ARHGAP32: variants seen among roughly 807,000 people sequenced by gnomAD.
ARHGAP32 encodes the protein rho GTPase-activating protein 32.
In ARHGAP32, 51 loss-of-function variants were observed where a neutral mutation model predicts 186.5. That is an observed-to-expected ratio of 0.27 (90% CI 0.22 to 0.35). The LOEUF (loss-of-function observed/expected upper bound fraction) is 0.35, where lower values mean the gene tolerates loss of function less well. ARHGAP32 is among the 10% of genes least tolerant of loss of function. The probability of loss-of-function intolerance (pLI) is 1.00; values close to 1 mark genes in which losing one functional copy is unlikely to be tolerated. For synonymous variants in ARHGAP32, 950 were observed against 964.3 expected, an observed-to-expected ratio of 0.99 and a Z score of 0.27; for missense variants, 2,186 against 2,623.5, an observed-to-expected ratio of 0.83 and a Z score of 3.64.
intron 1 of ARHGAP32, among the ~76,000 whole-genome samples, chr11:129,184,641 A>G (rs2439792): frequency 0.13 from 19,110 of 152,034 alleles, 1,360 homozygotes; most frequent in Non-Finnish European, 0.16. Context: ...TAGGAAACAA[A>G]AAAATTTCTT....
intron 1 of ARHGAP32, among the ~76,000 whole-genome samples, chr11:129,239,081 C>T (rs1272672002): frequency 6.6e-6 from 1 of 152,124 alleles, no homozygotes; most frequent in Non-Finnish European, 1.5e-5. Context: ...AACCCCTGGG[C>T]TCAAGCAATC....
chr11:129,012,756 C>T (rs1180755878), intron 11 of ARHGAP32, among the ~76,000 whole-genome samples: 1 of 152,162 alleles, frequency 6.6e-6, no homozygotes, highest in African/African-American at 2.4e-5. Context: ...GAAGGGAGAA[C>T]ATTTTTTAAA....
At chr11:129,239,363 A>T (rs955225050) in intron 1 of ARHGAP32, among the ~76,000 whole-genome samples, 4 of 152,202 alleles carry the variant, frequency 2.6e-5, no homozygotes, top group Admixed American at 2.6e-4. Context: ...GCAGCGCTGT[A>T]AGGAGGGTAC....
chr11:129,256,240 A>T (rs1184997431), intron 1 of ARHGAP32, among the ~76,000 whole-genome samples: 1 of 152,170 alleles, frequency 6.6e-6, no homozygotes, highest in Non-Finnish European at 1.5e-5. Context: ...GAGAAGTCAT[A>T]GAGTTGAATA....
intron 1 of ARHGAP32, among the ~76,000 whole-genome samples, chr11:129,245,834 C>T (rs187035358): frequency 2.6e-5 from 4 of 152,028 alleles, no homozygotes; most frequent in East Asian, 3.9e-4. Context: ...TTTAAGGTTA[C>T]GACCAGTGTT....
intron 1 of ARHGAP32, among the ~76,000 whole-genome samples, chr11:129,225,920 A>T (rs193116947): frequency 6.6e-6 from 1 of 152,204 alleles, no homozygotes; most frequent in Admixed American, 6.6e-5. Context: ...TTAAAAAGCT[A>T]TAAGAACCAA....
At chr11:129,097,131 G>A (rs1941752568) in intron 5 of ARHGAP32, among the ~76,000 whole-genome samples, 1 of 151,724 alleles carries the variant, frequency 6.6e-6, no homozygotes, top group South Asian at 2.1e-4. Flanking sequence ...AAAATCACAA[G>A]GCATATAAAG....
rs546189484 is a variant in ARHGAP32, at chr11:128,965,875, C to T, written c.*3032G>A. On this transcript the variant is annotated 3_prime_UTR_variant, in exon 23 of 23. Coordinates refer to ENST00000682385, the MANE Select transcript of ARHGAP32 (RefSeq NM_001378024.1). ...TAACCTACTCCTCCGTCCCCACTCA[C>T]GTTAGTTAACAGTCCCTCCTCTCTA... The T allele has an allele frequency of 3.9e-5, 6 of 152,316 alleles. No individual in the cohort carries two copies. Among genetic ancestry groups the T allele is most frequent in the Admixed American group, 6.5e-5 (1 of 15,302 alleles). The allele number at this position is 152,316 out of a possible 1,614,324, so 9.4% of individuals were successfully genotyped here. A position where few individuals can be genotyped will look rare whatever the true frequency, so the allele number is the denominator to read the frequency against.
At chr11:129,048,624 A>G (rs1342138561) in intron 10 of ARHGAP32, among the ~76,000 whole-genome samples, 1 of 152,202 alleles carries the variant, frequency 6.6e-6, no homozygotes, top group Non-Finnish European at 1.5e-5. Context: ...AGTAAAGGCA[A>G]GAAGTAATTG....
upstream of ARHGAP32, among the ~76,000 whole-genome samples, chr11:129,194,621 G>A (rs979645544): frequency 2.0e-5 from 3 of 151,996 alleles, no homozygotes; most frequent in South Asian, 2.1e-4. Context: ...TTGTCTCCAC[G>A]GAGGAAAACA....
rs139981327 is a variant in ARHGAP32 at position 129,255,545 on chromosome 11, T to C, written c.-5+23601A>G. Among the ~76,000 whole-genome samples the C allele has an allele frequency of 6.4e-3, 970 of 152,130 alleles. 12 individuals carry two copies. The highest frequency in any genetic ancestry group is 0.022 in the African/African-American group (929 of 41,542). On this transcript the variant is annotated intron_variant, in intron 1 of 6. Coordinates refer to the ARHGAP32 transcript ENST00000525234. ...GAAAAACATGATACACTGGACTATATTAAGACCTAGGCCTCAAAAGACACT... is the reference window on the plus strand; with the variant it reads ...GAAAAACATGATACACTGGACTATACTAAGACCTAGGCCTCAAAAGACACT...
chr11:129,197,610 AT>A (rs1053188114), intron 1 of ARHGAP32, among the ~76,000 whole-genome samples: 1 of 152,150 alleles, frequency 6.6e-6, no homozygotes, highest in African/African-American at 2.4e-5. Context: ...TGTAATATAT[AT>A]GTATGTATCA....
chr11:129,240,250 T>C (rs1425509168), intron 1 of ARHGAP32, among the ~76,000 whole-genome samples: 1 of 152,144 alleles, frequency 6.6e-6, no homozygotes, highest in Non-Finnish European at 1.5e-5. Context: ...TAGCTATTAC[T>C]GCAGACTTTG....
In ARHGAP32 at chr11:128,972,848, G is replaced by A. The variant is rs200179924; in HGVS notation, c.3658C>T (p.Arg1220Cys). The change falls in exon 22 of 23, where the codon CGT (arginine) becomes TGT (cysteine). Residue 1220 changes from arginine (R) to cysteine (C), a missense_variant. Arg to Cys is a radical substitution (Grantham distance 180, BLOSUM62 -3). Around this residue, in one of 5 missense-constraint regions of ARHGAP32, gnomAD observed 1,502 missense variants for 1,570.0 expected, o/e 0.96. Coordinates refer to ENST00000682385, the MANE Select transcript of ARHGAP32 (RefSeq NM_001378024.1). Reference protein sequence around the residue: ...SFLDQDQSPPRFYSGDQPPSY... With the variant: ...SFLDQDQSPPCFYSGDQPPSY... Reference sequence around the variant, plus strand: ...GGAGGCTGATCTCCACTGTAGAAACGGGGTGGAGACTGGTCCTGATCCAAG... The same window carrying A: ...GGAGGCTGATCTCCACTGTAGAAACAGGGTGGAGACTGGTCCTGATCCAAG... 4.2e-5 allele frequency: 68 copies of A among 1,613,824 alleles called. 1 individual carries two copies. The highest frequency in any genetic ancestry group is 3.3e-4 in the Middle Eastern group (2 of 6,084).
At chr11:129,122,558 T>C (rs963378985) in intron 5 of ARHGAP32, among the ~76,000 whole-genome samples, 1 of 152,136 alleles carries the variant, frequency 6.6e-6, no homozygotes, top group African/African-American at 2.4e-5. Context: ...CTTTGTTTGA[T>C]GTCACAGCAT....
At chr11:129,041,083 C>A in intron 10 of ARHGAP32, 74 bp from the exon 11 acceptor site, 1 of 974,822 alleles carries the variant, frequency 1.0e-6, no homozygotes, top group Non-Finnish European at 1.6e-6. Flanking sequence ...CAACTGAATT[C>A]CAGTAATGTA....
At chr11:129,189,869 A>C (rs1180096660) in intron 1 of ARHGAP32, among the ~76,000 whole-genome samples, 1 of 152,182 alleles carries the variant, frequency 6.6e-6, no homozygotes, top group Non-Finnish European at 1.5e-5. Flanking sequence ...AGAAGCCTAC[A>C]TTCTAGGTGT....
intron 5 of ARHGAP32, among the ~76,000 whole-genome samples, chr11:129,117,088 A>G (rs1399073370): frequency 6.6e-6 from 1 of 151,992 alleles, no homozygotes; most frequent in East Asian, 1.9e-4. Context: ...AACTACATTA[A>G]AGATGCGAGA....
intron 1 of ARHGAP32, among the ~76,000 whole-genome samples, chr11:129,180,024 T>A (rs931961951): frequency 6.6e-6 from 1 of 152,084 alleles, no homozygotes; most frequent in Non-Finnish European, 1.5e-5. Flanking sequence ...AAAGACTCTA[T>A]AAGCAATTTA....
Sources: allele counts gnomAD v4.1 joint callset (sites outside exome capture counted in the v4.1 genomes callset), GRCh38; gene constraint gnomAD v4.1.1; regional missense constraint gnomAD v4.1.1; transcripts MANE v1.5; gene names NCBI Gene and HGNC (gene_info 2026-07-23, HGNC 2026-07-21).